Variants in GPHN observed in about 807,000 individuals in gnomAD.
The protein encoded by GPHN is gephyrin.
In GPHN, 17 loss-of-function variants were observed where a neutral mutation model predicts 95.5. The observed-to-expected ratio is 0.18, with a 90% CI of 0.12 to 0.27. The LOEUF (loss-of-function observed/expected upper bound fraction) is 0.27. Among genes scored for constraint, GPHN ranks in the 10% least tolerant of loss-of-function variants. GPHN has a pLI of 1.00. For synonymous variants in GPHN, 320 were observed against 322.5 expected (o/e 0.99, Z 0.08); for missense variants, 660 against 978.1 (o/e 0.67, Z 4.34).
intron 1 of GPHN, among the ~76,000 whole-genome samples, chr14:66,568,055 T>G (rs1285078316): frequency 2.2e-4 from 34 of 152,316 alleles, no homozygotes; most frequent in Admixed American, 2.2e-3. Flanking sequence ...TTTGAAAACA[T>G]TCTCAAATAT....
the GPHN span, among the ~76,000 whole-genome samples, chr14:67,619,483 C>G: frequency 6.6e-6 from 1 of 152,196 alleles, no homozygotes; most frequent in South Asian, 2.1e-4. Flanking sequence ...TAGAACGAAG[C>G]AGGTGGATCC....
In GPHN at chr14:67,119,346, G is replaced by A. The variant is rs1049045265; in HGVS notation, c.1627-2910G>A. Among the ~76,000 whole-genome samples the A allele has an allele frequency of 4.6e-5, 7 of 152,324 alleles. No individual in the cohort carries two copies. In the East Asian group the frequency reaches 1.3e-3, roughly 29 times the overall value. On this transcript the variant is annotated intron_variant, in intron 16 of 22. Transcript: ENST00000478722. ...GGCAGCCAATTATAAGGCTTTCACA[G>A]AAATTCAGACATAATGTAATGAATG... is the stretch of plus-strand genomic sequence containing the variant.
chr14:67,527,181 G>A, the GPHN span, among the ~76,000 whole-genome samples: 17 of 152,312 alleles, frequency 1.1e-4, no homozygotes, highest in East Asian at 2.7e-3. Context: ...GGCTAAAGGC[G>A]TGGTCTTTAG....
the GPHN span, among the ~76,000 whole-genome samples, chr14:67,226,217 A>G: frequency 6.1e-4 from 93 of 152,096 alleles, no homozygotes; most frequent in African/African-American, 2.1e-3. Context: ...TTTGAGACTG[A>G]ATCTTGCTCT....
the GPHN span, chr14:67,677,218 AT>A: frequency 2.0e-5 from 3 of 152,170 alleles, no homozygotes; most frequent in Non-Finnish European, 4.4e-5. Flanking sequence ...AAAATACAAA[AT>A]TTTGGCACAG....
chr14:66,560,736 C>T (rs1360518120), intron 1 of GPHN, among the ~76,000 whole-genome samples: 1 of 151,992 alleles, frequency 6.6e-6, no homozygotes, highest in African/African-American at 2.4e-5. Context: ...CCTTTATTTC[C>T]TTCTCCTGCC....
chr14:67,118,159 T>G (rs1402324116), intron 16 of GPHN, among the ~76,000 whole-genome samples: 1 of 152,114 alleles, frequency 6.6e-6, no homozygotes, highest in Non-Finnish European at 1.5e-5. Flanking sequence ...GAGAAGTTAG[T>G]TAACATGTAT....
chr14:67,663,894 T>C, the GPHN span, among the ~76,000 whole-genome samples: 1 of 152,198 alleles, frequency 6.6e-6, no homozygotes, highest in Non-Finnish European at 1.5e-5. Context: ...TTCATTTCTT[T>C]GGGACCTCAC....
chr14:67,372,138 T>C, the GPHN span, among the ~76,000 whole-genome samples: 57 of 152,256 alleles, frequency 3.7e-4, no homozygotes, highest in Non-Finnish European at 6.6e-4. Context: ...AAAAAAAAAT[T>C]AAAAAATTTA....
the GPHN span, chr14:67,656,442 C>T: frequency 6.2e-7 from 1 of 1,613,276 alleles, no homozygotes; most frequent in Non-Finnish European, 8.5e-7. Context: ...TCTAACTGGT[C>T]TCGTTGTTCC....
At chr14:67,733,984 C>A in the GPHN span, 5 of 662,048 alleles carry the variant, frequency 7.6e-6, no homozygotes, top group Non-Finnish European at 1.4e-5. Flanking sequence ...TCCTCTTGAC[C>A]CTTCTGGGAA....
the GPHN span, chr14:67,570,339 G>A: frequency 9.7e-7 from 1 of 1,031,462 alleles, no homozygotes; most frequent in Non-Finnish European, 1.2e-6. Flanking sequence ...AATTACTGAG[G>A]TATATTCCAA....
At chr14:66,677,732 G>C (rs2066690424) in intron 1 of GPHN, among the ~76,000 whole-genome samples, 1 of 151,972 alleles carries the variant, frequency 6.6e-6, no homozygotes, top group Non-Finnish European at 1.5e-5. Flanking sequence ...TCTATGTGCT[G>C]ATGTCAAAAA....
chr14:66,912,758 G>A (rs1287610606), intron 5 of GPHN, among the ~76,000 whole-genome samples: 2 of 152,000 alleles, frequency 1.3e-5, no homozygotes, highest in Non-Finnish European at 2.9e-5. Context: ...TACTTTTTAA[G>A]GAAAGATGGA....
chr14:67,247,050 G>C, the GPHN span, among the ~76,000 whole-genome samples: 1 of 152,086 alleles, frequency 6.6e-6, no homozygotes, highest in African/African-American at 2.4e-5. Flanking sequence ...TTTGCTTTCT[G>C]TATGATATTT....
the GPHN span, chr14:67,615,329 T>A: frequency 6.5e-6 from 1 of 154,204 alleles, no homozygotes; most frequent in Non-Finnish European, 1.4e-5. Context: ...GGGGTTTGTT[T>A]TTTGTTTTGC....
chr14:67,149,115 G>A (rs1457699264), intron 18 of GPHN, among the ~76,000 whole-genome samples: 3 of 151,790 alleles, frequency 2.0e-5, no homozygotes, highest in Non-Finnish European at 4.4e-5. Flanking sequence ...AGGCTGAGGC[G>A]GGTGGATCAC....
chr14:67,560,392 A>G, the GPHN span, among the ~76,000 whole-genome samples: 1 of 152,346 alleles, frequency 6.6e-6, no homozygotes, highest in Admixed American at 6.5e-5. Flanking sequence ...TATACATAAA[A>G]TGTACCATTT....
At chr14:66,761,477 G>A (rs559068857) in intron 2 of GPHN, among the ~76,000 whole-genome samples, 10 of 152,138 alleles carry the variant, frequency 6.6e-5, no homozygotes, top group East Asian at 1.9e-4. Flanking sequence ...TCCTGTTTTC[G>A]TTTATTTGCA....
Sources: gnomAD v4.1 joint callset for allele counts (sites outside exome capture counted in the v4.1 genomes callset) on GRCh38, gnomAD v4.1.1 for gene constraint, MANE v1.5 for transcripts, NCBI Gene and HGNC (gene_info 2026-07-23, HGNC 2026-07-21) for gene names.